Variants in PTPN3 observed in about 807,000 individuals in gnomAD.
PTPN3 encodes the protein tyrosine-protein phosphatase non-receptor type 3.
PTPN3 carries 96 observed loss-of-function variants against 132.7 expected under a neutral mutation model. The observed-to-expected ratio is 0.72, with a 90% CI of 0.61 to 0.86. PTPN3 has a LOEUF of 0.86. Among genes scored for constraint, PTPN3 ranks in the 40% least tolerant of loss-of-function variants. The probability of loss-of-function intolerance (pLI) is 0.00; values close to 1 mark genes in which losing one functional copy is unlikely to be tolerated. For synonymous variants in PTPN3, 398 were observed against 429.0 expected (o/e 0.93, Z 0.89); for missense variants, 1,125 against 1,159.6 (o/e 0.97, Z 0.43).
chr9:109,428,525 C>A (rs1843438563), intron 11 of PTPN3, 96 bp downstream of exon 11: 4 of 1,285,670 alleles, frequency 3.1e-6, no homozygotes, highest in East Asian at 4.9e-5. Context: ...GCAGGAGGAT[C>A]CCCTGAGCTC....
chr9:109,497,515 C>G (rs1024081150), intron 1 of PTPN3, among the ~76,000 whole-genome samples: 6 of 152,116 alleles, frequency 3.9e-5, no homozygotes, highest in African/African-American at 1.4e-4. Context: ...GCTTGGAAAA[C>G]CCAGGTGTCA....
chr9:109,405,896 T>C (rs558360691), intron 18 of PTPN3, among the ~76,000 whole-genome samples: 13 of 152,292 alleles, frequency 8.5e-5, no homozygotes, highest in Admixed American at 3.9e-4. Flanking sequence ...CCAAGTGCCA[T>C]TTAATCTTCA....
chr9:109,462,720 G>A (rs1845905271), intron 2 of PTPN3, among the ~76,000 whole-genome samples: 1 of 151,946 alleles, frequency 6.6e-6, no homozygotes, highest in African/African-American at 2.4e-5. Flanking sequence ...GCTTTAAGTG[G>A]GATGAGCCAG....
intron 5 of PTPN3, among the ~76,000 whole-genome samples, chr9:109,452,768 C>A (rs1469072573): frequency 6.6e-6 from 1 of 151,898 alleles, no homozygotes; most frequent in African/African-American, 2.4e-5. Flanking sequence ...GCTATGTGGC[C>A]CAGGCTGGTT....
chr9:109,380,943 C>T (rs1479907075), intron 25 of PTPN3, among the ~76,000 whole-genome samples: 1 of 152,040 alleles, frequency 6.6e-6, no homozygotes, highest in South Asian at 2.1e-4. Flanking sequence ...CTTCCCTCAC[C>T]GCTGCTGACA....
At chr9:109,454,345 T>C (rs1209070120) in intron 5 of PTPN3, 151 bp downstream of exon 5, 3 of 694,176 alleles carry the variant, frequency 4.3e-6, no homozygotes, top group Non-Finnish European at 7.5e-6. Flanking sequence ...AATGTCAGTA[T>C]GTGCACCCCA....
At chr9:109,404,406 T>C (rs377427821) in intron 19 of PTPN3, 42 bp downstream of exon 19, 259 of 1,325,362 alleles carry the variant, frequency 2.0e-4, no homozygotes, top group Non-Finnish European at 2.4e-4. Context: ...GGCAGCCCAA[T>C]AGGCGACATG....
intron 16 of PTPN3, 122 bp downstream of exon 16, chr9:109,409,877 T>C: frequency 1.4e-6 from 2 of 1,425,010 alleles, no homozygotes; most frequent in Non-Finnish European, 1.8e-6. Flanking sequence ...AACTCTCAAT[T>C]CTGAGGGTTG....
rs1056122768 is a variant in PTPN3 at position 109,498,287 on chromosome 9, G to T, written c.-86C>A. ...GCGGGCGGCGCGGAAGCTCGCTCGCGGCGCGACCTGGCCGCCGTCTGAGCA... is the reference window on the plus strand; with the variant it reads ...GCGGGCGGCGCGGAAGCTCGCTCGCTGCGCGACCTGGCCGCCGTCTGAGCA... On this transcript the variant is annotated 5_prime_UTR_variant, in exon 1 of 26. Coordinates refer to ENST00000374541, the MANE Select transcript of PTPN3 (RefSeq NM_002829.4). This position sits in a 1 kb window ranked among gnomAD's most constrained non-coding sequence, Gnocchi z 4.2. The T allele has an allele frequency of 1.4e-5, 2 of 146,304 alleles. No homozygotes were observed. The highest frequency in any genetic ancestry group is 6.8e-5 in the Admixed American group (1 of 14,750). The allele number at this position is 146,304 out of a possible 1,614,324, so 9.1% of individuals were successfully genotyped here. A position where few individuals can be genotyped will look rare whatever the true frequency, so the allele number is the denominator to read the frequency against.
chr9:109,379,648 A>G lies in PTPN3; in HGVS notation c.2665-15T>C. ...TTGTACTGGCTCTGGAAAAGAAAAA[A>G]ATGCTGTCAAGTCCTGTAGCTCCAG... On this transcript the variant is annotated splice_polypyrimidine_tract_variant and intron_variant, in intron 25 of 25. Coordinates refer to ENST00000374541, the MANE Select transcript of PTPN3 (RefSeq NM_002829.4). 6.2e-7 allele frequency: 1 copy of G among 1,607,898 alleles called. No individual in the cohort carries two copies. Among genetic ancestry groups the G allele is most frequent in the Non-Finnish European group, 8.5e-7 (1 of 1,174,286 alleles).
At chr9:109,451,068 G>T in intron 5 of PTPN3, 1 of 973,234 alleles carries the variant, frequency 1.0e-6, no homozygotes, top group African/African-American at 1.8e-5. Context: ...TAAAGCATGT[G>T]AATTAATGGT....
intron 16 of PTPN3, among the ~76,000 whole-genome samples, chr9:109,408,970 T>A (rs1841848735): frequency 6.6e-6 from 1 of 151,570 alleles, no homozygotes; most frequent in Non-Finnish European, 1.5e-5. Context: ...TCAACACAGC[T>A]GCTGGGGCAG....
intron 1 of PTPN3, among the ~76,000 whole-genome samples, chr9:109,483,107 G>C (rs1465008719): frequency 1.3e-5 from 2 of 152,242 alleles, no homozygotes; most frequent in African/African-American, 2.4e-5. Flanking sequence ...TTGGCTCCCA[G>C]ATCAACATGA....
At chr9:109,481,898 C>T (rs968825032) in intron 1 of PTPN3, among the ~76,000 whole-genome samples, 2 of 152,210 alleles carry the variant, frequency 1.3e-5, no homozygotes, top group South Asian at 2.1e-4. Flanking sequence ...GGCTGTCCAG[C>T]GCTCCTGGGC....
At chr9:109,429,111 T>C (rs769096151) in intron 10 of PTPN3, 21 of 950,564 alleles carry the variant, frequency 2.2e-5, no homozygotes, top group Non-Finnish European at 2.5e-5. Context: ...ACTTAACATT[T>C]GCAAGATAAC....
chr9:109,485,565 T>C (rs549356331), intron 1 of PTPN3, among the ~76,000 whole-genome samples: 38 of 152,164 alleles, frequency 2.5e-4, no homozygotes, highest in Non-Finnish European at 4.4e-4. Flanking sequence ...GAGTCATATA[T>C]GATCCAGCCC....
intron 18 of PTPN3, among the ~76,000 whole-genome samples, chr9:109,405,255 C>T (rs973840081): frequency 2.6e-5 from 4 of 152,154 alleles, no homozygotes; most frequent in African/African-American, 9.7e-5. Context: ...AGGTGGGGAA[C>T]CGGAGAGATC....
At chr9:109,383,272 C>T (rs1251104267) in intron 23 of PTPN3, 151 bp downstream of exon 23, 12 of 1,369,940 alleles carry the variant, frequency 8.8e-6, no homozygotes, top group Admixed American at 7.0e-5. Context: ...GAACTCTGGG[C>T]CCTGGCTCTT....
chr9:109,489,258 G>C (rs918079007), intron 1 of PTPN3, among the ~76,000 whole-genome samples: 11 of 152,206 alleles, frequency 7.2e-5, no homozygotes, highest in African/African-American at 2.7e-4. Flanking sequence ...AGGTACCATA[G>C]TGAGGTGAGA....
Sources: allele counts gnomAD v4.1 joint callset (sites outside exome capture counted in the v4.1 genomes callset), GRCh38; gene constraint gnomAD v4.1.1; non-coding constraint Gnocchi (gnomAD v3.1); transcripts MANE v1.5; gene names NCBI Gene and HGNC (gene_info 2026-07-23, HGNC 2026-07-21).